Variants in POLA1 observed in about 807,000 individuals in gnomAD.
POLA1 encodes DNA polymerase alpha 1, catalytic subunit.
Under a neutral mutation model 124.0 loss-of-function variants are expected in POLA1, and 15 were observed. The ratio of observed to expected loss-of-function variants is 0.12; its 90% CI spans 0.08 to 0.19. The LOEUF (loss-of-function observed/expected upper bound fraction) is 0.19, where lower values mean the gene tolerates loss of function less well. Ranked by LOEUF, POLA1 falls within the 10% of genes least tolerant of loss-of-function variation. POLA1 has a pLI of 1.00. For synonymous variants in POLA1, 408 were observed against 389.4 expected, an observed-to-expected ratio of 1.05 and a Z score of -0.56; for missense variants, 886 against 1,103.4, an observed-to-expected ratio of 0.80 and a Z score of 2.79.
At chrX:24,727,147 T>C in intron 14 of POLA1, 76 bp downstream of exon 14, 2 of 880,097 alleles carry the variant, frequency 2.3e-6, no homozygotes, top group Non-Finnish European at 3.3e-6. Flanking sequence ...GTTAGGAAAT[T>C]GATCTATTTA....
chrX:24,798,658 G>A (rs780015835), intron 26 of POLA1, among the ~76,000 whole-genome samples: 2 of 110,299 alleles, frequency 1.8e-5, no homozygotes, highest in Admixed American at 9.7e-5. Context: ...TGTGTTAACC[G>A]TTTATATTAT....
chrX:24,809,480 G>A (rs1430125842), intron 26 of POLA1, among the ~76,000 whole-genome samples: 3 of 111,771 alleles, frequency 2.7e-5, no homozygotes, highest in Non-Finnish European at 5.6e-5. Flanking sequence ...ATTTAGTCTA[G>A]AGAAGAATTT....
chrX:24,847,469 T>C (rs2046491416), intron 34 of POLA1, among the ~76,000 whole-genome samples: 1 of 111,843 alleles, frequency 8.9e-6, no homozygotes, highest in African/African-American at 3.3e-5. Flanking sequence ...TAGCCACTTG[T>C]ACATTATATG....
intron 26 of POLA1, 100 bp downstream of exon 26, chrX:24,749,092 C>T: frequency 3.3e-6 from 2 of 601,521 alleles, no homozygotes; most frequent in Non-Finnish European, 5.4e-6. Context: ...AGTTGTACAG[C>T]ATCAAATACA....
Position 24,866,094 on chromosome X carries a change from G to C in POLA1, c.4048-21912G>C, listed in dbSNP as rs1427289746. ...ATGCATTTTCCCATATTTTCCATCT[G>C]AATTTTTACTATTATTGATTGAAGA... On this transcript the variant is annotated intron_variant, in intron 34 of 36. Transcript: ENST00000379068. Among the ~76,000 whole-genome samples the C allele has an allele frequency of 2.7e-5, 3 of 111,786 alleles. No homozygotes were observed. The East Asian group carries it at 8.4e-4, about 31-fold the overall frequency.
intron 34 of POLA1, among the ~76,000 whole-genome samples, chrX:24,871,322 C>A (rs1405782669): frequency 8.9e-6 from 1 of 111,933 alleles, no homozygotes; most frequent in African/African-American, 3.2e-5. Flanking sequence ...GGGGTAAAGA[C>A]CAGAGAATGT....
At chrX:24,760,006 A>T (rs1453881030) in intron 26 of POLA1, among the ~76,000 whole-genome samples, 1 of 112,517 alleles carries the variant, frequency 8.9e-6, no homozygotes, top group Non-Finnish European at 1.9e-5. Flanking sequence ...CCAAGATGAC[A>T]GAGCAGTAAT....
chrX:24,726,890 A>G, intron 13 of POLA1, 43 bp from the exon 14 acceptor site: 2 of 1,053,824 alleles, frequency 1.9e-6, no homozygotes, highest in Non-Finnish European at 2.6e-6. Context: ...ATGCAAAGTA[A>G]TAGTTTTAAA....
At chrX:24,734,678 G>A (rs753539687) in intron 17 of POLA1, among the ~76,000 whole-genome samples, 45 of 111,398 alleles carry the variant, frequency 4.0e-4, no homozygotes, top group African/African-American at 1.0e-3. Flanking sequence ...GTGCATTGGC[G>A]TGATATTGGC....
chrX:24,834,165 A>G (rs975783386), intron 32 of POLA1, among the ~76,000 whole-genome samples: 2 of 110,299 alleles, frequency 1.8e-5, no homozygotes, highest in African/African-American at 6.6e-5. Flanking sequence ...CTGCCAAGAA[A>G]TACACATCTC....
chrX:24,858,236 C>G (rs1005613614), intron 34 of POLA1, among the ~76,000 whole-genome samples: 7 of 112,012 alleles, frequency 6.2e-5, no homozygotes, highest in African/African-American at 2.3e-4. Flanking sequence ...TAGCATTGCT[C>G]AACCTCGCCT....
At chrX:24,815,770 C>T (rs1387244161) in intron 30 of POLA1, among the ~76,000 whole-genome samples, 1 of 110,713 alleles carries the variant, frequency 9.0e-6, no homozygotes, top group Non-Finnish European at 1.9e-5. Flanking sequence ...TGTCAAAGTG[C>T]ATACAAAAAA....
chrX:24,956,969 A>G (rs1258858662), intron 36 of POLA1, among the ~76,000 whole-genome samples: 3 of 111,614 alleles, frequency 2.7e-5, no homozygotes, highest in Non-Finnish European at 5.6e-5. Context: ...AAGAGAGCTG[A>G]TGATGAAAAG....
chrX:24,970,061 C>T (rs2048282908), intron 36 of POLA1, among the ~76,000 whole-genome samples: 1 of 112,293 alleles, frequency 8.9e-6, no homozygotes. Flanking sequence ...TTTCTTTATT[C>T]AGTCTGTCAT....
intron 34 of POLA1, among the ~76,000 whole-genome samples, chrX:24,852,030 T>C (rs1446160770): frequency 8.9e-6 from 1 of 112,545 alleles, no homozygotes; most frequent in African/African-American, 3.2e-5. Flanking sequence ...CCAGAGAATG[T>C]ACATTTTGGT....
chrX:24,844,722 A>T (rs1186519285), intron 34 of POLA1, among the ~76,000 whole-genome samples: 1 of 112,163 alleles, frequency 8.9e-6, no homozygotes, highest in Non-Finnish European at 1.9e-5. Flanking sequence ...TTATTAAAAA[A>T]TAATAATTAT....
chrX:24,891,336 C>T (rs2047141251), intron 35 of POLA1, among the ~76,000 whole-genome samples: 1 of 111,448 alleles, frequency 9.0e-6, no homozygotes, highest in Non-Finnish European at 1.9e-5. Context: ...TGGAGTTACT[C>T]AGTTTCAGAG....
At chrX:24,940,987 C>T (rs1056464464) in intron 36 of POLA1, among the ~76,000 whole-genome samples, 2 of 112,066 alleles carry the variant, frequency 1.8e-5, no homozygotes, top group Non-Finnish European at 3.8e-5. Context: ...CTATTTTTCT[C>T]TAGTAGTTAG....
intron 36 of POLA1, among the ~76,000 whole-genome samples, chrX:24,945,138 C>T (rs1052462550): frequency 1.8e-5 from 2 of 112,438 alleles, no homozygotes; most frequent in African/African-American, 6.5e-5. Flanking sequence ...AGCAGGATGA[C>T]ATGGAAATAG....
Sources: gnomAD v4.1 joint callset for allele counts (sites outside exome capture counted in the v4.1 genomes callset) on GRCh38, gnomAD v4.1.1 for gene constraint, MANE v1.5 for transcripts, NCBI Gene and HGNC (gene_info 2026-07-23, HGNC 2026-07-21) for gene names.